PCDHGB3: variants seen among roughly 807,000 people sequenced by gnomAD.
PCDHGB3 encodes the protein protocadherin gamma-B3.
In PCDHGB3, 40 loss-of-function variants were observed where a neutral mutation model predicts 59.2. The ratio of observed to expected loss-of-function variants is 0.68; its 90% CI spans 0.52 to 0.88. The LOEUF is 0.88. PCDHGB3 is among the 40% of genes least tolerant of loss of function. The pLI, the probability that PCDHGB3 is intolerant of heterozygous loss-of-function variation, is 0.00. For missense variants in PCDHGB3, 1,309 were observed against 1,187.9 expected, an observed-to-expected ratio of 1.10 and a Z score of -1.50; for synonymous variants, 581 against 503.6, an observed-to-expected ratio of 1.15 and a Z score of -2.06.
intron 1 of PCDHGB3, chr5:141,399,663 G>A: frequency 6.2e-7 from 1 of 1,613,624 alleles, no homozygotes; most frequent in Non-Finnish European, 8.5e-7. Flanking sequence ...TGGTGTTCGC[G>A]CAGCGCGCCT....
intron 1 of PCDHGB3, chr5:141,374,693 G>A (rs1222347266): frequency 6.2e-7 from 1 of 1,609,316 alleles, no homozygotes; most frequent in Non-Finnish European, 8.5e-7. Flanking sequence ...GGACCGGGAA[G>A]GAGAAGCCGT....
chr5:141,403,182 T>G (rs1458009956), intron 1 of PCDHGB3: 1 of 1,613,858 alleles, frequency 6.2e-7, no homozygotes, highest in Non-Finnish European at 8.5e-7. Context: ...CTTTTCTCTC[T>G]GAACCCGCGC....
chr5:141,415,823 G>T (rs529200891), intron 1 of PCDHGB3: 1 of 1,316,022 alleles, frequency 7.6e-7, no homozygotes, highest in East Asian at 2.8e-5. Context: ...ATATCATAAG[G>T]CTTTGTTATG....
intron 1 of PCDHGB3, chr5:141,422,845 G>A: frequency 6.2e-7 from 1 of 1,614,230 alleles, no homozygotes; most frequent in Non-Finnish European, 8.5e-7. Context: ...TGACAGCGGG[G>A]ACCCGCCCCT....
intron 1 of PCDHGB3, chr5:141,400,192 G>T (rs1411721247): frequency 6.2e-7 from 1 of 1,614,088 alleles, no homozygotes; most frequent in South Asian, 1.1e-5. Flanking sequence ...GTTTTACCTA[G>T]TGGTGGCCTT....
At position 141,431,965 on chromosome 5, in the gene PCDHGB3, T is replaced by G. The variant is rs765281339; in HGVS notation, c.2415+59156T>G. ...TAGAAAAATCTTACGGAAATTACTATAGTTTAGTCACAGACATAGTCTTGG... is the reference window on the plus strand; with the variant it reads ...TAGAAAAATCTTACGGAAATTACTAGAGTTTAGTCACAGACATAGTCTTGG... On this transcript the variant is annotated intron_variant, in intron 1 of 3. Coordinates refer to ENST00000576222, the MANE Select transcript of PCDHGB3 (RefSeq NM_018924.5). This position sits in a 1 kb window ranked among gnomAD's most constrained non-coding sequence, Gnocchi z 4.8. The G allele has an allele frequency of 1.2e-6, 2 of 1,614,216 alleles. No individual in the cohort carries two copies. Among genetic ancestry groups the G allele is most frequent in the East Asian group, 4.5e-5 (2 of 44,892 alleles).
At chr5:141,474,252 A>T (rs1381172188) in intron 1 of PCDHGB3, among the ~76,000 whole-genome samples, 1 of 152,200 alleles carries the variant, frequency 6.6e-6, no homozygotes, top group Non-Finnish European at 1.5e-5. Flanking sequence ...GGAAAAAAAG[A>T]CTGATAAACC....
At chr5:141,427,294 AT>A (rs2097012877) in intron 1 of PCDHGB3, 1 of 456,758 alleles carries the variant, frequency 2.2e-6, no homozygotes, top group Non-Finnish European at 4.4e-6. Flanking sequence ...GAAATCCTAG[AT>A]GAGAATGACA....
intron 1 of PCDHGB3, chr5:141,413,714 A>T: frequency 6.2e-7 from 1 of 1,613,586 alleles, no homozygotes; most frequent in Non-Finnish European, 8.5e-7. Flanking sequence ...AGCCCCAATA[A>T]GCACTTCTCC....
chr5:141,415,819 TA>T, intron 1 of PCDHGB3: 2 of 1,328,322 alleles, frequency 1.5e-6, no homozygotes, highest in African/African-American at 1.5e-5. Context: ...CTATATATCA[TA>T]AGGCTTTGTT....
Position 141,429,390 on chromosome 5 carries a change from A to ATTTT in PCDHGB3, c.2415+56581_2415+56582insTTTT, listed in dbSNP as rs1561841316. ...TGGAGAAAATGTGTTTTTTTTTTAA[A>ATTTT]AAAAATTGAGATTAAGGTCTCATTA... On this transcript the variant is annotated intron_variant, in intron 1 of 3. Coordinates refer to ENST00000576222, the MANE Select transcript of PCDHGB3 (RefSeq NM_018924.5). 1.2e-4 allele frequency among the ~76,000 whole-genome samples: 18 copies of ATTTT among 150,328 alleles called. No homozygotes were observed. In the East Asian group the frequency reaches 1.9e-3, roughly 16 times the overall value.
At chr5:141,375,119 G>A in intron 1 of PCDHGB3, 1 of 1,613,940 alleles carries the variant, frequency 6.2e-7, no homozygotes, top group Non-Finnish European at 8.5e-7. Flanking sequence ...TAATGTACCA[G>A]AAGTGGTTGT....
Position 141,371,616 on chromosome 5 carries a change from G to A in PCDHGB3, c.1222G>A (p.Gly408Arg). The change falls in exon 1 of 4, where the codon GGA becomes AGA. Residue 408 changes from glycine to arginine, a missense_variant. Physicochemically the swap from Gly to Arg is moderately radical, Grantham distance 125. Coordinates refer to ENST00000576222, the MANE Select transcript of PCDHGB3 (RefSeq NM_018924.5). ...TKNTYRLVTD[G>R]ALDREQIPEY... is the part of the protein sequence containing the mutation. The stretch of plus-strand genomic sequence containing the variant: ...AAACACATACAGGTTGGTGACAGAT[G>A]GAGCCCTGGACCGGGAGCAGATCCC... 1 of 1,614,012 alleles carries A rather than the reference G, an allele frequency of 6.2e-7. No homozygotes were observed. The highest frequency in any genetic ancestry group is 8.5e-7 in the Non-Finnish European group (1 of 1,179,904).
chr5:141,413,431 G>C (rs963192857), intron 1 of PCDHGB3: 1 of 1,614,092 alleles, frequency 6.2e-7, no homozygotes, highest in Non-Finnish European at 8.5e-7. Flanking sequence ...CCCGCGCAGC[G>C]GCAGCTTGAT....
intron 1 of PCDHGB3, among the ~76,000 whole-genome samples, chr5:141,453,076 G>A (rs2098755408): frequency 1.3e-5 from 2 of 151,984 alleles, no homozygotes; most frequent in Admixed American, 6.6e-5. Flanking sequence ...CCACACTCTG[G>A]TTGATTAGTA....
At position 141,376,251 on chromosome 5, in the gene PCDHGB3, G is replaced by A. The variant is rs748938190; in HGVS notation, c.2415+3442G>A. 11 of 1,614,110 alleles carry A rather than the reference G, an allele frequency of 6.8e-6. No individual in the cohort carries two copies. The East Asian group carries it at 1.8e-4, about 26-fold the overall frequency. On this transcript the variant is annotated intron_variant, in intron 1 of 3. Transcript: ENST00000576222. ...AGACTGCAGCGCTGGCACAAGTCAC[G>A]CCTGCTGCAGGCTTCGGGAGGTGGC...
chr5:141,371,274 C>T lies in PCDHGB3; in HGVS notation c.880C>T (p.Leu294=). The change falls in exon 1 of 4, where the codon CTG becomes TTG. Residue 294 remains leucine, a synonymous_variant. Transcript: ENST00000576222. The part of the protein sequence containing the change: ...IGKEVRQLFK[L]DSKTGELTTI... The stretch of plus-strand genomic sequence containing the variant: ...CAAGGAAGTGAGACAACTGTTCAAG[C>T]TGGACAGTAAAACGGGGGAACTCAC... 3 of 1,613,982 alleles carry T rather than the reference C, an allele frequency of 1.9e-6. No individual in the cohort carries two copies. Among genetic ancestry groups the T allele is most frequent in the Non-Finnish European group, 2.5e-6 (3 of 1,179,868 alleles).
intron 1 of PCDHGB3, among the ~76,000 whole-genome samples, chr5:141,455,574 C>T (rs1214642742): frequency 6.6e-6 from 1 of 152,158 alleles, no homozygotes; most frequent in Non-Finnish European, 1.5e-5. Flanking sequence ...CCTCCCACCC[C>T]AGCCTTTTAA....
At position 141,432,644 on chromosome 5, in the gene PCDHGB3, G is replaced by A; in HGVS notation, c.2415+59835G>A. The A allele has an allele frequency of 1.2e-6, 2 of 1,613,812 alleles. No homozygotes were observed. The highest frequency in any genetic ancestry group is 1.7e-6 in the Non-Finnish European group (2 of 1,179,942). ...TCTGCACACGGGCGAGGTGCGCACG[G>A]CGCGAGCCCTGCTGGACAGAGACGC... On this transcript the variant is annotated intron_variant, in intron 1 of 3. Coordinates refer to ENST00000576222, the MANE Select transcript of PCDHGB3 (RefSeq NM_018924.5). The surrounding 1 kb of genome is among the most constrained non-coding windows in gnomAD (Gnocchi z 6.0).
Sources: gnomAD v4.1 joint callset for allele counts (sites outside exome capture counted in the v4.1 genomes callset) on GRCh38, gnomAD v4.1.1 for gene constraint, Gnocchi (gnomAD v3.1) non-coding constraint, MANE v1.5 for transcripts, NCBI Gene and HGNC (gene_info 2026-07-23, HGNC 2026-07-21) for gene names.